ARSB: variants seen among roughly 807,000 people sequenced by gnomAD.
ARSB encodes arylsulfatase B.
A neutral mutation model predicts 50.9 loss-of-function variants in ARSB; 41 were observed. That is an observed-to-expected ratio of 0.81 (90% CI 0.63 to 1.04). ARSB has a LOEUF of 1.04. Ranked by LOEUF, ARSB falls within the 50% of genes least tolerant of loss-of-function variation. The pLI is 0.00. For synonymous variants in ARSB, 269 were observed against 284.8 expected, an observed-to-expected ratio of 0.94 and a Z score of 0.56; for missense variants, 672 against 693.3, an observed-to-expected ratio of 0.97 and a Z score of 0.35.
At chr5:78,850,702 G>T (rs561409777) in intron 5 of ARSB, among the ~76,000 whole-genome samples, 12 of 152,226 alleles carry the variant, frequency 7.9e-5, no homozygotes, top group East Asian at 7.7e-4. Flanking sequence ...ACTCTTTTTG[G>T]TTGGTAAGCT....
intron 5 of ARSB, among the ~76,000 whole-genome samples, chr5:78,865,152 C>A (rs1286310077): frequency 6.6e-6 from 1 of 152,220 alleles, no homozygotes; most frequent in Non-Finnish European, 1.5e-5. Context: ...TCCCTTCCAT[C>A]CTGCCCTAGC....
intron 1 of ARSB, among the ~76,000 whole-genome samples, chr5:78,980,756 T>TGTGTGTGTGTG (rs1321239373): frequency 2.4e-5 from 2 of 83,804 alleles, no homozygotes; most frequent in Non-Finnish European, 5.3e-5. Flanking sequence ...GTGTGTGTGT[T>TGTGTGTGTGTG]TTGGTAGATT....
At chr5:78,885,283 G>C (rs961019090) in intron 5 of ARSB, 18 of 424,606 alleles carry the variant, frequency 4.2e-5, no homozygotes, top group African/African-American at 3.7e-4. Context: ...CCCCCTGCAG[G>C]AAGCTAACAA....
chr5:78,802,852 T>C (rs1561431498), intron 6 of ARSB, among the ~76,000 whole-genome samples: 1 of 152,222 alleles, frequency 6.6e-6, no homozygotes, highest in East Asian at 1.9e-4. Context: ...CATTGATACC[T>C]GAGAGGGAAT....
intron 2 of ARSB, 71 bp downstream of exon 2, chr5:78,968,935 C>A (rs1752326150): frequency 1.3e-6 from 2 of 1,524,678 alleles, no homozygotes; most frequent in South Asian, 2.3e-5. Context: ...CATTTGATTG[C>A]ACTTGGGTGT....
intron 6 of ARSB, among the ~76,000 whole-genome samples, chr5:78,824,850 G>A (rs1280434460): frequency 6.6e-6 from 1 of 152,190 alleles, no homozygotes; most frequent in East Asian, 1.9e-4. Context: ...GTTAAGATAG[G>A]CAGAAAAGAA....
chr5:78,840,626 ATAAC>A (rs1732810310), intron 5 of ARSB, among the ~76,000 whole-genome samples: 1 of 152,224 alleles, frequency 6.6e-6, no homozygotes, highest in South Asian at 2.1e-4. Context: ...CTCTGAATAA[ATAAC>A]AGCTCCTTAA....
intron 5 of ARSB, among the ~76,000 whole-genome samples, chr5:78,880,800 T>C (rs958165021): frequency 2.0e-5 from 3 of 152,232 alleles, no homozygotes; most frequent in Non-Finnish European, 4.4e-5. Context: ...TTTGTGCCTA[T>C]GTTTAGGTAC....
chr5:78,879,932 G>A (rs1485316000), intron 5 of ARSB, among the ~76,000 whole-genome samples: 1 of 151,698 alleles, frequency 6.6e-6, no homozygotes, highest in African/African-American at 2.4e-5. Context: ...CAGAAAACAA[G>A]TCTTGAAATG....
chr5:78,913,141 T>C (rs1236097212), intron 4 of ARSB, among the ~76,000 whole-genome samples: 1 of 151,802 alleles, frequency 6.6e-6, no homozygotes, highest in African/African-American at 2.4e-5. Flanking sequence ...TTTTTTCTTT[T>C]GTTGAGACAG....
At chr5:78,865,931 G>A (rs1176116314) in intron 5 of ARSB, among the ~76,000 whole-genome samples, 1 of 152,094 alleles carries the variant, frequency 6.6e-6, no homozygotes, top group Non-Finnish European at 1.5e-5. Context: ...TGTCCATATT[G>A]CTATCAGCAT....
chr5:78,977,820 T>C (rs1752732495), intron 1 of ARSB, among the ~76,000 whole-genome samples: 1 of 151,986 alleles, frequency 6.6e-6, no homozygotes, highest in African/African-American at 2.4e-5. Context: ...CTAAAGATTA[T>C]ACACACACAC....
chr5:78,850,672 G>A (rs1287127622), intron 5 of ARSB, among the ~76,000 whole-genome samples: 1 of 152,172 alleles, frequency 6.6e-6, no homozygotes, highest in Admixed American at 6.5e-5. Context: ...GAATTTGGTT[G>A]TGAATCCAAC....
intron 5 of ARSB, among the ~76,000 whole-genome samples, chr5:78,876,642 A>C (rs964457720): frequency 3.3e-5 from 5 of 152,200 alleles, no homozygotes; most frequent in African/African-American, 1.2e-4. Flanking sequence ...CCAGAGACCA[A>C]GGGAGCTTGA....
intron 4 of ARSB, among the ~76,000 whole-genome samples, chr5:78,942,916 A>C (rs1177887621): frequency 6.6e-6 from 1 of 152,138 alleles, no homozygotes; most frequent in African/African-American, 2.4e-5. Context: ...TGGGAGTCTA[A>C]GTCTCTTTGT....
At chr5:78,828,301 C>T (rs562325990) in intron 6 of ARSB, among the ~76,000 whole-genome samples, 2 of 152,172 alleles carry the variant, frequency 1.3e-5, no homozygotes, top group African/African-American at 2.4e-5. Context: ...ATTATTTGTA[C>T]AAAAGGAGCT....
At chr5:78,869,090 A>T (rs1283846082) in intron 5 of ARSB, among the ~76,000 whole-genome samples, 2 of 149,216 alleles carry the variant, frequency 1.3e-5, no homozygotes, top group African/African-American at 5.0e-5. Flanking sequence ...TGGTAAAGGG[A>T]TCAATTCAAC....
chr5:78,964,649 T>C (rs759566505), intron 2 of ARSB, 43 bp from the exon 3 acceptor site: 2 of 1,576,498 alleles, frequency 1.3e-6, no homozygotes, highest in Admixed American at 1.7e-5. Flanking sequence ...AGCATAAAAC[T>C]TGTTAAACAA....
At chr5:78,784,862 G>A (rs1000941188) in intron 6 of ARSB, among the ~76,000 whole-genome samples, 6 of 148,866 alleles carry the variant, frequency 4.0e-5, no homozygotes, top group African/African-American at 7.4e-5. Flanking sequence ...GCAGTGGTGC[G>A]ATCTTGGCTC....
Sources: allele counts gnomAD v4.1 joint callset (sites outside exome capture counted in the v4.1 genomes callset), GRCh38; gene constraint gnomAD v4.1.1; transcripts MANE v1.5; gene names NCBI Gene and HGNC (gene_info 2026-07-23, HGNC 2026-07-21).